Variants in ABCB1 observed in about 807,000 individuals in gnomAD.
The protein encoded by ABCB1 is ATP-dependent translocase ABCB1.
In ABCB1, 69 loss-of-function variants were observed where a neutral mutation model predicts 142.0. The ratio of observed to expected loss-of-function variants is 0.49; its 90% CI spans 0.40 to 0.59. The LOEUF (loss-of-function observed/expected upper bound fraction) is 0.59, where lower values mean the gene tolerates loss of function less well. Among genes scored for constraint, ABCB1 ranks in the 20% least tolerant of loss-of-function variants. The pLI is 0.00. For synonymous variants in ABCB1, 532 were observed against 539.2 expected, an observed-to-expected ratio of 0.99 and a Z score of 0.18; for missense variants, 1,326 against 1,554.7, an observed-to-expected ratio of 0.85 and a Z score of 2.47.
intron 1 of ABCB1, among the ~76,000 whole-genome samples, chr7:87,691,648 T>C (rs1204771430): frequency 6.6e-6 from 1 of 152,200 alleles, no homozygotes; most frequent in African/African-American, 2.4e-5. Flanking sequence ...AGAGCAGCAC[T>C]TCTACTTCCT....
chr7:87,645,035 A>T (rs1822844676), intron 1 of ABCB1, among the ~76,000 whole-genome samples: 1 of 150,578 alleles, frequency 6.6e-6, no homozygotes, highest in African/African-American at 2.4e-5. Flanking sequence ...AAGGTAGTCC[A>T]TGCTTTCTTA....
At chr7:87,700,077 C>T (rs909599124) in intron 1 of ABCB1, among the ~76,000 whole-genome samples, 15 of 151,732 alleles carry the variant, frequency 9.9e-5, no homozygotes, top group African/African-American at 2.4e-4. Context: ...TAACTAGAAG[C>T]GCAGGAAGGT....
chr7:87,598,346 T>A (rs927857249), intron 2 of ABCB1, among the ~76,000 whole-genome samples: 3 of 152,218 alleles, frequency 2.0e-5, no homozygotes, highest in African/African-American at 7.2e-5. Flanking sequence ...TTTGCAGATA[T>A]ATTAATATTT....
intron 1 of ABCB1, among the ~76,000 whole-genome samples, chr7:87,627,280 G>C (rs1271172461): frequency 6.6e-6 from 1 of 151,986 alleles, no homozygotes; most frequent in African/African-American, 2.4e-5. Context: ...TAATATATAA[G>C]AAAAATAGAG....
intron 21 of ABCB1, chr7:87,521,878 C>A: frequency 1.3e-6 from 1 of 772,472 alleles, no homozygotes; most frequent in South Asian, 1.3e-5. Flanking sequence ...CATGACTGAC[C>A]AAGGCAGTGA....
At chr7:87,687,759 T>G (rs1163977849) in intron 1 of ABCB1, among the ~76,000 whole-genome samples, 1 of 152,204 alleles carries the variant, frequency 6.6e-6, no homozygotes, top group East Asian at 1.9e-4. Flanking sequence ...AATTGAACTG[T>G]TATGATACCT....
At chr7:87,629,081 T>A (rs986607987) in intron 1 of ABCB1, 1 of 848,484 alleles carries the variant, frequency 1.2e-6, no homozygotes, top group African/African-American at 1.8e-5. Flanking sequence ...CAGCCAAATC[T>A]GTGAGCGCGC....
intron 1 of ABCB1, among the ~76,000 whole-genome samples, chr7:87,660,163 T>C (rs1391520253): frequency 6.6e-6 from 1 of 152,108 alleles, no homozygotes; most frequent in African/African-American, 2.4e-5. Flanking sequence ...GAATTTTGCG[T>C]AAGTTTGGAA....
chr7:87,596,684 A>G (rs947086936), intron 2 of ABCB1, among the ~76,000 whole-genome samples: 1 of 152,106 alleles, frequency 6.6e-6, no homozygotes, highest in African/African-American at 2.4e-5. Flanking sequence ...TCATAAGGTA[A>G]ATTCATCTTT....
intron 19 of ABCB1, among the ~76,000 whole-genome samples, chr7:87,538,495 C>T (rs1221888691): frequency 1.3e-5 from 2 of 152,304 alleles, no homozygotes; most frequent in East Asian, 3.9e-4. Context: ...ACTGATGCCT[C>T]TTAGCCAGGG....
At chr7:87,640,513 T>A (rs906031378) in intron 1 of ABCB1, among the ~76,000 whole-genome samples, 1 of 152,052 alleles carries the variant, frequency 6.6e-6, no homozygotes, top group Non-Finnish European at 1.5e-5. Flanking sequence ...CCAGCTAATT[T>A]TTTTTTTAAT....
intron 27 of ABCB1, 88 bp from the exon 28 acceptor site, chr7:87,504,537 G>C: frequency 6.5e-7 from 1 of 1,535,958 alleles, no homozygotes; most frequent in Non-Finnish European, 8.8e-7. Flanking sequence ...GGACGGGCAT[G>C]GTGGCTCACG....
intron 1 of ABCB1, chr7:87,709,419 C>T (rs1341750323): frequency 2.5e-5 from 25 of 985,354 alleles, no homozygotes; most frequent in Middle Eastern, 1.0e-3. Flanking sequence ...CTGTTCCAAT[C>T]AGCTACAGCT....
chr7:87,528,436 G>A (rs1220490650), intron 21 of ABCB1, among the ~76,000 whole-genome samples: 1 of 151,506 alleles, frequency 6.6e-6, no homozygotes, highest in Non-Finnish European at 1.5e-5. Context: ...ATATTTCTAG[G>A]CTACATGGCT....
chr7:87,632,235 T>C (rs1230413394), intron 1 of ABCB1, among the ~76,000 whole-genome samples: 1 of 152,200 alleles, frequency 6.6e-6, no homozygotes, highest in Non-Finnish European at 1.5e-5. Flanking sequence ...AAAGTCTTCT[T>C]ATGTGAGTAC....
At chr7:87,535,964 T>C (rs1303636704) in intron 20 of ABCB1, among the ~76,000 whole-genome samples, 1 of 152,168 alleles carries the variant, frequency 6.6e-6, no homozygotes, top group Non-Finnish European at 1.5e-5. Context: ...ATTTAAGTTA[T>C]TAAAATTATT....
Position 87,549,607 on chromosome 7 carries a change from A to G in ABCB1, c.1555-89T>C, listed in dbSNP as rs1197528675. 1.0e-5 allele frequency: 16 copies of G among 1,574,608 alleles called. 1 individual carries two copies. The highest frequency in any genetic ancestry group is 1.4e-5 in the Non-Finnish European group (16 of 1,145,096). On this transcript the variant is annotated intron_variant, in intron 13 of 27. Coordinates refer to ENST00000622132, the MANE Select transcript of ABCB1 (RefSeq NM_001348946.2). ...TGGTAAGGAATCCTATACACAGCCC[A>G]AGTCTCACAAGTAATACAGGTCCAG...
chr7:87,599,672 A>G (rs1333361103), intron 2 of ABCB1, among the ~76,000 whole-genome samples: 2 of 152,236 alleles, frequency 1.3e-5, no homozygotes, highest in East Asian at 1.9e-4. Flanking sequence ...GATAGGACAA[A>G]TAAGTTCCAA....
At chr7:87,568,257 T>C (rs1028708657) in intron 5 of ABCB1, among the ~76,000 whole-genome samples, 1 of 133,680 alleles carries the variant, frequency 7.5e-6, no homozygotes, top group African/African-American at 3.0e-5. Flanking sequence ...ATAATAATAA[T>C]AATAATAATA....
Sources: allele counts gnomAD v4.1 joint callset (sites outside exome capture counted in the v4.1 genomes callset), GRCh38; gene constraint gnomAD v4.1.1; transcripts MANE v1.5; gene names NCBI Gene and HGNC (gene_info 2026-07-23, HGNC 2026-07-21).